PCDHA8: variants seen among roughly 807,000 people sequenced by gnomAD.
PCDHA8 encodes protocadherin alpha 8.
PCDHA8 carries 53 observed loss-of-function variants against 61.8 expected under a neutral mutation model. That is an observed-to-expected ratio of 0.86 (90% CI 0.69 to 1.08). The LOEUF is 1.08. Ranked by LOEUF, PCDHA8 falls within the 50% of genes least tolerant of loss-of-function variation. The probability of loss-of-function intolerance (pLI) is 0.00; values close to 1 mark genes in which losing one functional copy is unlikely to be tolerated. For synonymous variants in PCDHA8, 618 were observed against 556.6 expected, an observed-to-expected ratio of 1.11 and a Z score of -1.55; for missense variants, 1,293 against 1,245.0, an observed-to-expected ratio of 1.04 and a Z score of -0.58.
intron 1 of PCDHA8, chr5:140,927,923 CTCT>C: frequency 6.2e-7 from 1 of 1,614,232 alleles, no homozygotes; most frequent in East Asian, 2.2e-5. Context: ...GACTTCCTGA[CTCT>C]TTCGAACCCA....
intron 1 of PCDHA8, chr5:140,856,458 A>C: frequency 9.4e-6 from 15 of 1,598,416 alleles, no homozygotes; most frequent in Non-Finnish European, 1.3e-5. Flanking sequence ...GTAACAGAAC[A>C]AAAGCTCTCA....
intron 1 of PCDHA8, among the ~76,000 whole-genome samples, chr5:140,897,416 T>C (rs1233824796): frequency 6.9e-6 from 1 of 145,554 alleles, no homozygotes; most frequent in African/African-American, 2.5e-5. Flanking sequence ...TCAATTCCCA[T>C]CTATGAGTGA....
intron 1 of PCDHA8, among the ~76,000 whole-genome samples, chr5:140,914,094 T>A (rs563496078): frequency 6.9e-4 from 105 of 152,324 alleles, no homozygotes; most frequent in African/African-American, 2.5e-3. Context: ...GTCAATTTGT[T>A]CTATAGTGCA....
rs2150412128 is a variant in PCDHA8 at position 140,848,533 on chromosome 5, C to T, written c.2394+4818C>T. 6.3e-6 allele frequency: 10 copies of T among 1,594,958 alleles called. No homozygotes were observed. In the East Asian group the frequency reaches 1.8e-4, roughly 28 times the overall value. On this transcript the variant is annotated intron_variant, in intron 1 of 3. Transcript: ENST00000531613. ...AGTCGAGGAGATCCAGAGGGTCAGC[C>T]TCTACTGCTCTCGCTTCTGATCCTC...
chr5:140,873,286 A>C (rs1337353218), intron 1 of PCDHA8, among the ~76,000 whole-genome samples: 3 of 152,246 alleles, frequency 2.0e-5, no homozygotes, highest in African/African-American at 7.2e-5. Flanking sequence ...ACCACTTATG[A>C]AACTTTATAA....
chr5:140,985,606 C>A (rs1008038466), intron 3 of PCDHA8, among the ~76,000 whole-genome samples: 1 of 152,300 alleles, frequency 6.6e-6, no homozygotes, highest in South Asian at 2.1e-4. Context: ...AGAGCCCTTT[C>A]CGTGAACCAG....
chr5:140,885,465 C>T (rs1363216895), intron 1 of PCDHA8, among the ~76,000 whole-genome samples: 1 of 152,144 alleles, frequency 6.6e-6, no homozygotes, highest in Non-Finnish European at 1.5e-5. Context: ...TAATGATGGG[C>T]AATCACTTTG....
chr5:141,003,352 C>T (rs747533399), intron 3 of PCDHA8, among the ~76,000 whole-genome samples: 38 of 152,318 alleles, frequency 2.5e-4, no homozygotes, highest in Non-Finnish European at 1.5e-4. Context: ...TGCTCTGTCA[C>T]CCAGGCTGGA....
intron 1 of PCDHA8, chr5:140,883,610 G>C: frequency 6.2e-7 from 1 of 1,614,046 alleles, no homozygotes; most frequent in Non-Finnish European, 8.5e-7. Flanking sequence ...GGTGGCCGAC[G>C]TGAACGACAA....
intron 1 of PCDHA8, among the ~76,000 whole-genome samples, chr5:140,947,807 G>T (rs542859945): frequency 3.6e-4 from 55 of 151,694 alleles, no homozygotes; most frequent in Non-Finnish European, 7.1e-4. Context: ...AATTTGCAGA[G>T]ACTATTTCTT....
At position 140,842,863 on chromosome 5, in the gene PCDHA8, C is replaced by A. The variant is rs1431713195; in HGVS notation, c.1542C>A (p.Ser514Arg). The change falls in exon 1 of 4, where the codon AGC becomes AGA. Residue 514 changes from serine (S) to arginine (R), a missense_variant. Transcript: ENST00000531613. Reference protein sequence around the residue: ...LSSYISVHTESGKVYALQPLD... With the variant: ...LSSYISVHTERGKVYALQPLD... ...GCTACATTTCGGTGCACACGGAGAG[C>A]GGCAAGGTGTACGCGCTGCAGCCGC... The A allele has an allele frequency of 2.5e-6, 4 of 1,593,844 alleles. No individual in the cohort carries two copies. Among genetic ancestry groups the A allele is most frequent in the African/African-American group, 1.3e-5 (1 of 74,244 alleles).
rs781837708 is a variant in PCDHA8, at chr5:140,875,917, GAC to G, written c.2394+32203_2394+32204del. On this transcript the variant is annotated intron_variant, in intron 1 of 3. Coordinates refer to ENST00000531613, the MANE Select transcript of PCDHA8 (RefSeq NM_018911.3). Reference sequence around the variant, plus strand: ...ACCTGTTTCTGAATCTGCGCCTCTGGACTCTCATTTTCCTCTAGAGGGCGCTT... The same window carrying G: ...ACCTGTTTCTGAATCTGCGCCTCTGGTCTCATTTTCCTCTAGAGGGCGCTT... 20 of 1,614,146 alleles carry G rather than the reference GAC, an allele frequency of 1.2e-5. 1 individual carries two copies. In the South Asian group the frequency reaches 2.1e-4, roughly 17 times the overall value.
intron 1 of PCDHA8, chr5:140,883,974 G>C: frequency 6.2e-7 from 1 of 1,612,962 alleles, no homozygotes; most frequent in Non-Finnish European, 8.5e-7. Context: ...CTGACGCCCG[G>C]GGCTGGCAGC....
intron 1 of PCDHA8, chr5:140,862,887 G>C (rs781965401): frequency 2.7e-5 from 15 of 562,992 alleles, no homozygotes; most frequent in South Asian, 1.8e-4. Flanking sequence ...GTGCTGGAAC[G>C]ACAACTTTGT....
chr5:140,898,358 A>T (rs2153460143), intron 1 of PCDHA8, among the ~76,000 whole-genome samples: 1 of 152,260 alleles, frequency 6.6e-6, no homozygotes, highest in Non-Finnish European at 1.5e-5. Flanking sequence ...TCTTGAATTA[A>T]TTTTTGTATA....
chr5:140,927,505 G>C, intron 1 of PCDHA8: 2 of 1,614,120 alleles, frequency 1.2e-6, no homozygotes, highest in Middle Eastern at 1.6e-4. Context: ...GGTGCTTACA[G>C]CTCGGGACGG....
Position 140,984,851 on chromosome 5 carries a change from A to G in PCDHA8, c.2542+2288A>G, listed in dbSNP as rs986424116. Among the ~76,000 whole-genome samples the G allele has an allele frequency of 2.6e-5, 4 of 152,200 alleles. No individual in the cohort carries two copies. In the South Asian group the frequency reaches 6.2e-4, roughly 24 times the overall value. ...TTTCTGTAAATTGGGTGTAGTAATA[A>G]TAATAACACCTATTTTATTGAGTTA... On this transcript the variant is annotated intron_variant, in intron 3 of 3. Coordinates refer to ENST00000531613, the MANE Select transcript of PCDHA8 (RefSeq NM_018911.3).
intron 1 of PCDHA8, among the ~76,000 whole-genome samples, chr5:140,975,842 T>C (rs1291239014): frequency 1.3e-5 from 2 of 152,210 alleles, no homozygotes; most frequent in Non-Finnish European, 2.9e-5. Context: ...TATTCTTCAG[T>C]AATACTACAT....
intron 1 of PCDHA8, among the ~76,000 whole-genome samples, chr5:140,971,957 AC>A (rs1360214556): frequency 6.6e-6 from 1 of 152,060 alleles, no homozygotes; most frequent in Non-Finnish European, 1.5e-5. Flanking sequence ...GACTCCAAAA[AC>A]TTTTTTTCAA....
Sources: gnomAD v4.1 joint callset for allele counts (sites outside exome capture counted in the v4.1 genomes callset) on GRCh38, gnomAD v4.1.1 for gene constraint, MANE v1.5 for transcripts, NCBI Gene and HGNC (gene_info 2026-07-23, HGNC 2026-07-21) for gene names.